The following WDFY3 variants were observed in gnomAD, a reference collection of about 807,000 sequenced individuals.
The protein encoded by WDFY3 is WD repeat and FYVE domain-containing protein 3.
In WDFY3, 66 loss-of-function variants were observed where a neutral mutation model predicts 409.6. That is an observed-to-expected ratio of 0.16 (90% CI 0.13 to 0.20). The LOEUF is 0.20. WDFY3 is among the 10% of genes least tolerant of loss of function. The pLI is 1.00. For missense variants in WDFY3, 3,031 were observed against 4,298.1 expected, an observed-to-expected ratio of 0.71 and a Z score of 8.24; for synonymous variants, 1,521 against 1,537.1, an observed-to-expected ratio of 0.99 and a Z score of 0.25.
At chr4:84,690,381 G>C (rs187264198) in intron 61 of WDFY3, 125 bp downstream of exon 61, 1 of 1,333,082 alleles carries the variant, frequency 7.5e-7, no homozygotes, top group South Asian at 1.4e-5. Flanking sequence ...GCAACAGAAC[G>C]TCACTTTGGT....
intron 21 of WDFY3, among the ~76,000 whole-genome samples, chr4:84,794,259 T>C (rs1748997611): frequency 6.6e-6 from 1 of 152,180 alleles, no homozygotes; most frequent in South Asian, 2.1e-4. Context: ...AGCAACCTGC[T>C]TTCCTAGGAA....
intron 2 of WDFY3, among the ~76,000 whole-genome samples, chr4:84,913,265 A>C (rs1420678198): frequency 6.6e-6 from 1 of 152,168 alleles, no homozygotes; most frequent in African/African-American, 2.4e-5. Context: ...ACATCATGAA[A>C]GTCTAGAAAA....
chr4:84,873,071 T>C (rs1762336544), intron 3 of WDFY3, among the ~76,000 whole-genome samples: 1 of 152,106 alleles, frequency 6.6e-6, no homozygotes, highest in Non-Finnish European at 1.5e-5. Context: ...AGAGACAAAT[T>C]GATTATTGGA....
In WDFY3 at chr4:84,705,380, A is replaced by C. The variant is rs1312136932; in HGVS notation, c.8335+14T>G. The C allele has an allele frequency of 1.2e-6, 2 of 1,606,586 alleles. No individual in the cohort carries two copies. Among genetic ancestry groups the C allele is most frequent in the Non-Finnish European group, 1.7e-6 (2 of 1,175,140 alleles). On this transcript the variant is annotated intron_variant, in intron 54 of 67. Coordinates refer to ENST00000295888, the MANE Select transcript of WDFY3 (RefSeq NM_014991.6). ...ACTTGGGTACAAAGTCCAATGACAG[A>C]AAAAGTTCCTTACCATTAGGATCCT...
chr4:84,737,141 C>T (rs1426152593), intron 41 of WDFY3, 43 bp downstream of exon 41: 1 of 1,608,892 alleles, frequency 6.2e-7, no homozygotes, highest in African/African-American at 1.3e-5. Flanking sequence ...TATATGATAG[C>T]CACATGTAAA....
chr4:84,828,832 G>A (rs115083421), intron 9 of WDFY3, among the ~76,000 whole-genome samples, 172 bp downstream of exon 9: 3 of 152,166 alleles, frequency 2.0e-5, no homozygotes, highest in Admixed American at 6.5e-5. Flanking sequence ...CCAGGAATAC[G>A]AAGCTACAGT....
chr4:84,900,339 C>T (rs1579048745), intron 2 of WDFY3, among the ~76,000 whole-genome samples: 2 of 152,172 alleles, frequency 1.3e-5, no homozygotes, highest in East Asian at 3.9e-4. Context: ...AATCCTCTTG[C>T]CTTAGCCTCC....
rs553300094 is a variant in WDFY3 at position 84,703,387 on chromosome 4, A to G, written c.8443-881T>C. Among the ~76,000 whole-genome samples the G allele has an allele frequency of 6.6e-5, 10 of 152,270 alleles. No homozygotes were observed. The South Asian group carries it at 1.7e-3, about 25-fold the overall frequency. On this transcript the variant is annotated intron_variant, in intron 55 of 67. Coordinates refer to ENST00000295888, the MANE Select transcript of WDFY3 (RefSeq NM_014991.6). ...TCCATCTTCTTCAGTCAAGCCCCCTATGCTGCTGTGTTTTAAGTTAACATG... is the reference window on the plus strand; with the variant it reads ...TCCATCTTCTTCAGTCAAGCCCCCTGTGCTGCTGTGTTTTAAGTTAACATG...
At chr4:84,782,908 T>A in intron 25 of WDFY3, 55 bp downstream of exon 25, 1 of 1,562,694 alleles carries the variant, frequency 6.4e-7, no homozygotes. Context: ...GGAAAGTGAA[T>A]GCAAACTTGA....
chr4:84,758,149 T>C (rs1213755465), intron 32 of WDFY3, among the ~76,000 whole-genome samples: 4 of 152,336 alleles, frequency 2.6e-5, no homozygotes, highest in African/African-American at 9.6e-5. Flanking sequence ...CAGTGAATGT[T>C]TGTCAAATTT....
chr4:84,953,631 T>C (rs1773890164), intron 1 of WDFY3, among the ~76,000 whole-genome samples: 1 of 152,140 alleles, frequency 6.6e-6, no homozygotes, highest in Admixed American at 6.5e-5. Context: ...AGTTGTAAAA[T>C]GCTTCAGGAG....
intron 3 of WDFY3, among the ~76,000 whole-genome samples, chr4:84,888,022 G>A (rs1278038794): frequency 6.6e-6 from 1 of 152,146 alleles, no homozygotes; most frequent in Non-Finnish European, 1.5e-5. Flanking sequence ...CTCATGAGCG[G>A]TATCTTGGCA....
intron 17 of WDFY3, 102 bp from the exon 18 acceptor site, chr4:84,798,210 T>A: frequency 1.9e-6 from 2 of 1,025,924 alleles, no homozygotes; most frequent in African/African-American, 1.6e-5. Flanking sequence ...AACAGACTAA[T>A]TACAATAAAA....
At chr4:84,892,412 T>C (rs1561017537) in intron 3 of WDFY3, among the ~76,000 whole-genome samples, 3 of 152,116 alleles carry the variant, frequency 2.0e-5, no homozygotes, top group African/African-American at 7.2e-5. Flanking sequence ...CTTTTTAAAG[T>C]ATTTTAAAGG....
intron 1 of WDFY3, among the ~76,000 whole-genome samples, chr4:84,961,072 G>A (rs377727360): frequency 2.0e-4 from 31 of 152,050 alleles, no homozygotes; most frequent in African/African-American, 5.3e-4. Flanking sequence ...AAAATTAGCC[G>A]GGCGTGGTGG....
intron 21 of WDFY3, 147 bp from the exon 22 acceptor site, chr4:84,790,054 A>G: frequency 1.0e-6 from 1 of 961,932 alleles, no homozygotes; most frequent in East Asian, 2.6e-5. Flanking sequence ...TCTGGAAAAA[A>G]AAATGATAAT....
intron 61 of WDFY3, among the ~76,000 whole-genome samples, chr4:84,689,846 G>C (rs1251250239): frequency 6.6e-6 from 1 of 152,040 alleles, no homozygotes; most frequent in Admixed American, 6.5e-5. Flanking sequence ...TTGATAAGTG[G>C]TATTGTTACA....
intron 3 of WDFY3, among the ~76,000 whole-genome samples, chr4:84,870,118 A>G (rs1390227590): frequency 6.6e-6 from 1 of 152,238 alleles, no homozygotes; most frequent in Non-Finnish European, 1.5e-5. Flanking sequence ...CTAGTCCTTT[A>G]ACAGATCAAT....
intron 43 of WDFY3, among the ~76,000 whole-genome samples, chr4:84,734,617 T>C (rs557647157): frequency 1.3e-5 from 2 of 152,350 alleles, no homozygotes; most frequent in East Asian, 1.9e-4. Flanking sequence ...ACTTGTAGTA[T>C]AGTAAAAAAT....
Sources: allele counts gnomAD v4.1 joint callset (sites outside exome capture counted in the v4.1 genomes callset), GRCh38; gene constraint gnomAD v4.1.1; transcripts MANE v1.5; gene names NCBI Gene and HGNC (gene_info 2026-07-23, HGNC 2026-07-21).